FSTL5: variants seen among roughly 807,000 people sequenced by gnomAD.
The protein encoded by FSTL5 is follistatin like 5, also known as follistatin-related protein 5.
FSTL5 carries 62 observed loss-of-function variants against 89.1 expected under a neutral mutation model. The ratio of observed to expected loss-of-function variants is 0.70; its 90% CI spans 0.57 to 0.86. The LOEUF (loss-of-function observed/expected upper bound fraction) is 0.86, where lower values mean the gene tolerates loss of function less well. Ranked by LOEUF, FSTL5 falls within the 40% of genes least tolerant of loss-of-function variation. FSTL5 has a pLI of 0.00. For synonymous variants in FSTL5, 383 were observed against 346.2 expected, an observed-to-expected ratio of 1.11 and a Z score of -1.18; for missense variants, 1,057 against 1,001.6, an observed-to-expected ratio of 1.06 and a Z score of -0.75.
At chr4:161,730,828 C>A (rs1014311954) in intron 6 of FSTL5, among the ~76,000 whole-genome samples, 3 of 152,054 alleles carry the variant, frequency 2.0e-5, no homozygotes, top group Non-Finnish European at 4.4e-5. Flanking sequence ...CATTGAAACA[C>A]CAAGTATCTC....
intron 11 of FSTL5, among the ~76,000 whole-genome samples, chr4:161,510,035 A>T (rs942353501): frequency 2.2e-4 from 34 of 152,164 alleles, no homozygotes; most frequent in African/African-American, 7.7e-4. Context: ...AATATAATTT[A>T]TTATATCCCC....
At chr4:162,047,480 AG>A (rs1296595457) in intron 2 of FSTL5, 1 of 152,026 alleles carries the variant, frequency 6.6e-6, no homozygotes, top group Non-Finnish European at 1.5e-5. Flanking sequence ...AGCATTTCTA[AG>A]CAAGTGTGAG....
chr4:161,509,959 C>T (rs1197411125), intron 11 of FSTL5, among the ~76,000 whole-genome samples: 1 of 151,988 alleles, frequency 6.6e-6, no homozygotes, highest in Non-Finnish European at 1.5e-5. Context: ...GGTAACTTGC[C>T]CTATTGTTTG....
intron 2 of FSTL5, among the ~76,000 whole-genome samples, chr4:162,045,836 T>C (rs909540659): frequency 2.0e-5 from 3 of 152,162 alleles, no homozygotes; most frequent in Admixed American, 1.3e-4. Context: ...GACTGGACAA[T>C]GTTTGTTAGT....
intron 7 of FSTL5, among the ~76,000 whole-genome samples, chr4:161,600,894 A>G (rs1327536833): frequency 1.6e-4 from 24 of 152,158 alleles, no homozygotes; most frequent in Admixed American, 1.6e-3. Context: ...TTCTGGAATC[A>G]ATCAGAGTGC....
At chr4:162,092,253 G>A (rs545897527) in intron 2 of FSTL5, among the ~76,000 whole-genome samples, 1 of 152,226 alleles carries the variant, frequency 6.6e-6, no homozygotes, top group Non-Finnish European at 1.5e-5. Flanking sequence ...TGATGCTAAT[G>A]TCTAGCCAAG....
rs537561040 is a variant in FSTL5 at position 161,500,970 on chromosome 4, C to T, written c.1340-836G>A. On this transcript the variant is annotated intron_variant, in intron 11 of 15. Coordinates refer to ENST00000306100, the MANE Select transcript of FSTL5 (RefSeq NM_020116.5). ...CTGCTTCTCCCCTGTTCCAATGTGG[C>T]CAGCCCTGAGCTCTTGTAATCCTTC... Among the ~76,000 whole-genome samples the T allele has an allele frequency of 5.3e-5, 8 of 152,220 alleles. No homozygotes were observed. The South Asian group carries it at 1.7e-3, about 32-fold the overall frequency.
intron 4 of FSTL5, among the ~76,000 whole-genome samples, chr4:161,833,649 C>A (rs1730925913): frequency 6.6e-6 from 1 of 151,940 alleles, no homozygotes; most frequent in African/African-American, 2.4e-5. Context: ...CCTTCTTTGT[C>A]TCTTTTGATC....
At chr4:161,909,951 G>T (rs541769465) in intron 4 of FSTL5, among the ~76,000 whole-genome samples, 1 of 152,062 alleles carries the variant, frequency 6.6e-6, no homozygotes, top group Admixed American at 6.6e-5. Context: ...TTATCAAGAG[G>T]AAGAAGTGAA....
intron 6 of FSTL5, among the ~76,000 whole-genome samples, chr4:161,731,672 A>G (rs1192585828): frequency 6.6e-6 from 1 of 151,908 alleles, no homozygotes; most frequent in East Asian, 1.9e-4. Context: ...ATGAGAATAG[A>G]CTAATGAAAA....
intron 2 of FSTL5, among the ~76,000 whole-genome samples, chr4:162,038,129 C>T (rs1234729821): frequency 6.6e-6 from 1 of 151,866 alleles, no homozygotes; most frequent in Non-Finnish European, 1.5e-5. Flanking sequence ...CTAGGTATAA[C>T]TTAATTTTAA....
At chr4:161,871,222 T>C (rs888130644) in intron 4 of FSTL5, among the ~76,000 whole-genome samples, 1 of 152,130 alleles carries the variant, frequency 6.6e-6, no homozygotes, top group African/African-American at 2.4e-5. Flanking sequence ...CTGAAATTAA[T>C]AGTTTTACCT....
chr4:161,495,956 G>A (rs1326523133), intron 12 of FSTL5, among the ~76,000 whole-genome samples: 1 of 150,996 alleles, frequency 6.6e-6, no homozygotes, highest in Non-Finnish European at 1.5e-5. Flanking sequence ...GTGTAATCCT[G>A]AATTAATAGA....
intron 5 of FSTL5, among the ~76,000 whole-genome samples, chr4:161,761,698 A>G (rs981715397): frequency 6.6e-6 from 1 of 152,202 alleles, no homozygotes; most frequent in Non-Finnish European, 1.5e-5. Context: ...CTTGGTCATG[A>G]TGATACAACT....
intron 3 of FSTL5, among the ~76,000 whole-genome samples, chr4:161,981,701 T>C (rs1735832545): frequency 6.6e-6 from 1 of 152,310 alleles, no homozygotes; most frequent in Admixed American, 6.5e-5. Flanking sequence ...TACTTTGAAA[T>C]GTAAGTTTGG....
intron 3 of FSTL5, among the ~76,000 whole-genome samples, chr4:162,009,501 C>A (rs2111126401): frequency 6.6e-6 from 1 of 151,974 alleles, no homozygotes; most frequent in East Asian, 1.9e-4. Context: ...CAAAAGGCTA[C>A]AATTATAAAA....
intron 7 of FSTL5, among the ~76,000 whole-genome samples, chr4:161,645,611 T>A (rs1269847626): frequency 6.6e-6 from 1 of 152,106 alleles, no homozygotes; most frequent in Non-Finnish European, 1.5e-5. Context: ...TATGATTACA[T>A]GCCATGTCTC....
At chr4:161,785,605 A>G (rs926563184) in intron 4 of FSTL5, among the ~76,000 whole-genome samples, 1 of 152,230 alleles carries the variant, frequency 6.6e-6, no homozygotes, top group Non-Finnish European at 1.5e-5. Context: ...AAAAACTGCA[A>G]TGCAGCTATA....
chr4:161,848,097 T>C (rs1054514482), intron 4 of FSTL5, among the ~76,000 whole-genome samples: 5 of 145,556 alleles, frequency 3.4e-5, no homozygotes, highest in Admixed American at 1.4e-4. Context: ...ATTTCTTTCA[T>C]GATGTCTTGT....
Sources: allele counts gnomAD v4.1 joint callset (sites outside exome capture counted in the v4.1 genomes callset), GRCh38; gene constraint gnomAD v4.1.1; transcripts MANE v1.5; gene names NCBI Gene and HGNC (gene_info 2026-07-23, HGNC 2026-07-21).